Variants in STK32B observed in about 807,000 individuals in gnomAD.
STK32B encodes the protein serine/threonine-protein kinase 32B.
Under a neutral mutation model 52.6 loss-of-function variants are expected in STK32B, and 43 were observed. The ratio of observed to expected loss-of-function variants is 0.82; its 90% confidence interval spans 0.64 to 1.05. The LOEUF is 1.05. Ranked by LOEUF, STK32B falls within the 50% of genes least tolerant of loss-of-function variation. The probability of loss-of-function intolerance (pLI) is 0.00; values close to 1 mark genes in which losing one functional copy is unlikely to be tolerated. For missense variants in STK32B, 621 were observed against 534.6 expected (o/e 1.16, Z -1.59); for synonymous variants, 238 against 204.3 (o/e 1.17, Z -1.41).
intron 4 of STK32B, among the ~76,000 whole-genome samples, chr4:5,354,401 G>A (rs1306809311): frequency 6.6e-6 from 1 of 152,194 alleles, no homozygotes. Context: ...GAGTAGCTGG[G>A]ATTACAGGCA....
chr4:5,070,090 C>G (rs1352691039), intron 1 of STK32B, among the ~76,000 whole-genome samples: 1 of 152,212 alleles, frequency 6.6e-6, no homozygotes, highest in Non-Finnish European at 1.5e-5. Context: ...CTGGCTTCCT[C>G]CCAGCGAACA....
chr4:5,372,309 T>G (rs549264188), intron 4 of STK32B, among the ~76,000 whole-genome samples: 37 of 152,294 alleles, frequency 2.4e-4, no homozygotes, highest in African/African-American at 8.9e-4. Flanking sequence ...AATCATGCTG[T>G]AGCTCTGGGT....
At chr4:5,273,848 G>A (rs1392125075) in intron 3 of STK32B, among the ~76,000 whole-genome samples, 1 of 123,238 alleles carries the variant, frequency 8.1e-6, no homozygotes, top group Non-Finnish European at 1.7e-5. Context: ...GTGGTGGGTG[G>A]GGGGAGGGGG....
chr4:5,066,709 A>G (rs1367837718), intron 1 of STK32B, among the ~76,000 whole-genome samples: 1 of 152,180 alleles, frequency 6.6e-6, no homozygotes, highest in African/African-American at 2.4e-5. Context: ...AATCAATGTT[A>G]TTATTTATAC....
chr4:5,451,613 A>G (rs919507609), intron 7 of STK32B, among the ~76,000 whole-genome samples: 1 of 152,164 alleles, frequency 6.6e-6, no homozygotes, highest in African/African-American at 2.4e-5. Flanking sequence ...CCCGTGGTAC[A>G]GGTTTCTCCA....
intron 4 of STK32B, among the ~76,000 whole-genome samples, chr4:5,332,548 A>G (rs567263193): frequency 2.0e-5 from 3 of 152,214 alleles, no homozygotes; most frequent in Non-Finnish European, 4.4e-5. Context: ...CACAATGTGC[A>G]GGTTAGTTAC....
Position 5,439,618 on chromosome 4 carries a change from T to C in STK32B, c.563-7055T>C, listed in dbSNP as rs1274703866. On this transcript the variant is annotated intron_variant, in intron 6 of 11. Coordinates refer to ENST00000282908, the MANE Select transcript of STK32B (RefSeq NM_018401.3). ...AGCTCTTTAGTTTAATTAGATCCCATTTGTCAATTTTGGCTTTTGTTGCCA... is the reference window on the plus strand; with the variant it reads ...AGCTCTTTAGTTTAATTAGATCCCACTTGTCAATTTTGGCTTTTGTTGCCA... Among the ~76,000 whole-genome samples the C allele has an allele frequency of 7.9e-5, 12 of 152,082 alleles. No individual in the cohort carries two copies. The East Asian group carries it at 1.4e-3, about 17-fold the overall frequency.
At position 5,467,564 on chromosome 4, in the gene STK32B, A is replaced by G. The variant is rs1244091860; in HGVS notation, c.1042-442A>G. Among the ~76,000 whole-genome samples, 2 of 152,112 alleles carry G rather than the reference A, an allele frequency of 1.3e-5. No homozygotes were observed. The highest frequency in any genetic ancestry group is 4.8e-5 in the African/African-American group (2 of 41,408). ...TCTGTAAAGGTTCTATTTCCAAATA[A>G]CGTCATGTTTATAAGTACTGGGGGG... On this transcript the variant is annotated intron_variant, in intron 10 of 11. Transcript: ENST00000282908. The surrounding 1 kb of genome is among the most constrained non-coding windows in gnomAD (Gnocchi z 5.8).
At chr4:5,158,730 C>A (rs1222074333) in intron 2 of STK32B, among the ~76,000 whole-genome samples, 1 of 152,140 alleles carries the variant, frequency 6.6e-6, no homozygotes, top group Non-Finnish European at 1.5e-5. Flanking sequence ...TTGCAGATGC[C>A]ATCTTCTCCC....
intron 3 of STK32B, among the ~76,000 whole-genome samples, chr4:5,234,165 T>A (rs1724461935): frequency 6.6e-6 from 1 of 152,168 alleles, no homozygotes; most frequent in South Asian, 2.1e-4. Flanking sequence ...GAGGTTAGAT[T>A]ATTGGAAGCG....
At chr4:5,456,758 C>A in intron 7 of STK32B, 49 bp from the exon 8 acceptor site, 2 of 1,462,254 alleles carry the variant, frequency 1.4e-6, no homozygotes, top group Non-Finnish European at 9.3e-7. Flanking sequence ...GCGGACGGTG[C>A]CTTCCAATGG....
rs369476366 is a variant in STK32B, at chr4:5,500,345, C to G, written c.*1262C>G. 8 of 152,134 alleles carry G rather than the reference C, an allele frequency of 5.3e-5. No individual in the cohort carries two copies. The East Asian group carries it at 5.8e-4, about 11-fold the overall frequency. The allele number at this position is 152,134 out of a possible 1,614,324, so 9.4% of individuals were successfully genotyped here. A position where few individuals can be genotyped will look rare whatever the true frequency, so the allele number is the denominator to read the frequency against. On this transcript the variant is annotated 3_prime_UTR_variant, in exon 12 of 12. Transcript: ENST00000282908. ...GTTAAATAAGATCCTGTGTGTAACC[C>G]CAAGCATTGGATGACTCATAGAATG...
intron 1 of STK32B, among the ~76,000 whole-genome samples, chr4:5,135,610 T>C (rs1716026388): frequency 2.0e-5 from 3 of 152,194 alleles, no homozygotes; most frequent in African/African-American, 7.2e-5. Context: ...AGGTAAGTGG[T>C]TGCTGGCCTG....
At chr4:5,491,379 T>C (rs559825615) in intron 11 of STK32B, among the ~76,000 whole-genome samples, 1 of 152,232 alleles carries the variant, frequency 6.6e-6, no homozygotes. Context: ...ATGTCTTCTT[T>C]TGAGAAGTGT....
At chr4:5,297,754 A>T (rs1729298842) in intron 3 of STK32B, among the ~76,000 whole-genome samples, 1 of 150,354 alleles carries the variant, frequency 6.7e-6, no homozygotes, top group South Asian at 2.1e-4. Flanking sequence ...GGAGTTTGTT[A>T]TTACCCACCT....
upstream of STK32B, among the ~76,000 whole-genome samples, chr4:5,048,062 G>A (rs1243845778): frequency 6.6e-6 from 1 of 152,098 alleles, no homozygotes; most frequent in Non-Finnish European, 1.5e-5. Flanking sequence ...AAGAAGCATG[G>A]AGACTCTGGA....
chr4:5,075,527 T>A (rs964090993), intron 1 of STK32B, among the ~76,000 whole-genome samples: 1 of 152,160 alleles, frequency 6.6e-6, no homozygotes, highest in Non-Finnish European at 1.5e-5. Context: ...CCATTAACCC[T>A]TGTGTCCTCC....
At chr4:5,054,809 T>G (rs573940849) in intron 1 of STK32B, among the ~76,000 whole-genome samples, 1 of 152,358 alleles carries the variant, frequency 6.6e-6, no homozygotes, top group African/African-American at 2.4e-5. Flanking sequence ...AAACCACAGC[T>G]AAATATTTGC....
chr4:5,444,699 G>A (rs765203380), intron 6 of STK32B, among the ~76,000 whole-genome samples: 49 of 152,122 alleles, frequency 3.2e-4, no homozygotes, highest in Non-Finnish European at 6.8e-4. Flanking sequence ...CACTCACTAC[G>A]GGCCAGGCAT....
Sources: gnomAD v4.1 joint callset for allele counts (sites outside exome capture counted in the v4.1 genomes callset) on GRCh38, gnomAD v4.1.1 for gene constraint, Gnocchi (gnomAD v3.1) non-coding constraint, MANE v1.5 for transcripts, NCBI Gene and HGNC (gene_info 2026-07-23, HGNC 2026-07-21) for gene names.